ABCA4: variants seen among roughly 807,000 people sequenced by gnomAD.
ABCA4 encodes the protein ATP binding cassette subfamily A member 4, also known as retinal-specific phospholipid-transporting ATPase ABCA4.
Under a neutral mutation model 263.7 loss-of-function variants are expected in ABCA4, and 196 were observed. The observed-to-expected ratio is 0.74, with a 90% CI of 0.66 to 0.84. ABCA4 has a LOEUF of 0.84. Ranked by LOEUF, ABCA4 falls within the 40% of genes least tolerant of loss-of-function variation. The probability of loss-of-function intolerance (pLI) is 0.00; values close to 1 mark genes in which losing one functional copy is unlikely to be tolerated. For synonymous variants in ABCA4, 1,133 were observed against 1,094.2 expected, an observed-to-expected ratio of 1.04 and a Z score of -0.70; for missense variants, 2,792 against 2,855.1, an observed-to-expected ratio of 0.98 and a Z score of 0.50.
intron 4 of ABCA4, among the ~76,000 whole-genome samples, chr1:94,104,890 C>T (rs922101617): frequency 7.2e-5 from 11 of 152,158 alleles, no homozygotes; most frequent in African/African-American, 2.7e-4. Flanking sequence ...TGTTCTTTTC[C>T]CAATTACCCC....
intron 5 of ABCA4, among the ~76,000 whole-genome samples, chr1:94,102,507 C>T (rs913209210): frequency 5.3e-5 from 8 of 151,922 alleles, no homozygotes; most frequent in South Asian, 2.1e-4. Context: ...CCTGCCCCTC[C>T]GTCCCTCTCT....
At chr1:94,057,732 CCAAA>C (rs1365016668) in intron 14 of ABCA4, among the ~76,000 whole-genome samples, 1 of 152,182 alleles carries the variant, frequency 6.6e-6, no homozygotes, top group African/African-American at 2.4e-5. Context: ...GAAAATAGGA[CCAAA>C]CTAGCAACTT....
intron 40 of ABCA4, 139 bp downstream of exon 40, chr1:94,010,661 G>T: frequency 8.0e-7 from 1 of 1,247,260 alleles, no homozygotes; most frequent in Non-Finnish European, 1.2e-6. Context: ...TTGTATTATT[G>T]GAGAAAAGCC....
intron 3 of ABCA4, among the ~76,000 whole-genome samples, chr1:94,110,313 C>T (rs750630364): frequency 2.0e-5 from 3 of 152,226 alleles, no homozygotes; most frequent in Non-Finnish European, 4.4e-5. Flanking sequence ...CATTGTAGGG[C>T]ACATGCAGCC....
chr1:94,043,284 G>A (rs1660569441), intron 21 of ABCA4, 52 bp downstream of exon 21: 1 of 1,612,730 alleles, frequency 6.2e-7, no homozygotes, highest in East Asian at 2.2e-5. Flanking sequence ...GGGTGCACTG[G>A]GGAGCCATGG....
At chr1:94,103,216 A>T in intron 4 of ABCA4, 74 bp from the exon 5 acceptor site, 3 of 1,563,290 alleles carry the variant, frequency 1.9e-6, no homozygotes, top group Non-Finnish European at 2.6e-6. Flanking sequence ...GCCAGAGTCG[A>T]TTGGAAACAC....
chr1:94,035,493 G>T (rs1005424934), intron 26 of ABCA4, among the ~76,000 whole-genome samples: 1 of 152,200 alleles, frequency 6.6e-6, no homozygotes, highest in South Asian at 2.1e-4. Context: ...GTGTCCATTG[G>T]TAGTTCTAGG....
At chr1:94,046,303 AATAC>A (rs1279596479) in intron 19 of ABCA4, among the ~76,000 whole-genome samples, 21 of 120,862 alleles carry the variant, frequency 1.7e-4, no homozygotes, top group South Asian at 5.6e-4. Context: ...AAAAAAAAAA[AATAC>A]AAAAATTAGC....
At chr1:94,089,354 C>T (rs1661912538) in intron 6 of ABCA4, among the ~76,000 whole-genome samples, 1 of 152,080 alleles carries the variant, frequency 6.6e-6, no homozygotes, top group African/African-American at 2.4e-5. Context: ...ATAGTAAATC[C>T]TCACTTAATT....
rs1660216305 is a variant in ABCA4 at position 94,031,908 on chromosome 1, G to C, written c.3998C>G (p.Pro1333Arg). The C allele has an allele frequency of 6.2e-7, 1 of 1,614,046 alleles. No individual in the cohort carries two copies. The highest frequency in any genetic ancestry group is 1.1e-5 in the South Asian group (1 of 91,086). ...GCCTGGGCACTCTGGCTCTGGGGGA[G>C]GCTGGCCCTCTGGGTGAGCAGCCGG... ...GAPAAHPEGQ[P>R]PPEPECPGPQ... Residue 1333 changes from proline (P) to arginine (R), a missense_variant, in exon 27 of 50, where the codon CCT (proline) becomes CGT (arginine). By Grantham distance (103) the Pro-to-Arg change is moderately radical. Coordinates refer to ENST00000370225, the MANE Select transcript of ABCA4 (RefSeq NM_000350.3).
intron 20 of ABCA4, 31 bp downstream of exon 20, chr1:94,044,582 A>T: frequency 1.2e-6 from 2 of 1,614,000 alleles, no homozygotes; most frequent in Admixed American, 3.3e-5. Context: ...AGGAGAGGGG[A>T]TGGGGCGGTC....
At chr1:94,045,297 A>T (rs1466040858) in intron 19 of ABCA4, among the ~76,000 whole-genome samples, 1 of 151,744 alleles carries the variant, frequency 6.6e-6, no homozygotes, top group East Asian at 1.9e-4. Context: ...AAAACATAAA[A>T]AGCCTCAGAG....
At chr1:94,053,613 G>T (rs1046057874) in intron 16 of ABCA4, among the ~76,000 whole-genome samples, 6 of 152,212 alleles carry the variant, frequency 3.9e-5, no homozygotes, top group African/African-American at 1.4e-4. Context: ...CAGGCAGAAT[G>T]CCATGTGCAG....
In ABCA4 at chr1:94,034,087, T is replaced by C. The variant is rs141909847; in HGVS notation, c.3863-2044A>G. ...CTAGTTACTGACTATGAGTCACCCC[T>C]TCAGAAGTGGCATTGACCCTTGTTG... On this transcript the variant is annotated intron_variant, in intron 26 of 49. Coordinates refer to ENST00000370225, the MANE Select transcript of ABCA4 (RefSeq NM_000350.3). Among the ~76,000 whole-genome samples the C allele has an allele frequency of 1.9e-3, 288 of 152,300 alleles. 1 individual carries two copies. The highest frequency in any genetic ancestry group is 6.7e-3 in the African/African-American group (277 of 41,578).
intron 6 of ABCA4, among the ~76,000 whole-genome samples, chr1:94,090,643 T>C (rs114305707): frequency 0.01 from 1,553 of 152,356 alleles, 15 homozygotes; most frequent in Non-Finnish European, 0.016. Context: ...AGTGCATTTA[T>C]TTACCACTTT....
intron 4 of ABCA4, among the ~76,000 whole-genome samples, chr1:94,103,717 G>T (rs2101145129): frequency 6.6e-6 from 1 of 152,288 alleles, no homozygotes; most frequent in Non-Finnish European, 1.5e-5. Context: ...GACCCCTCTG[G>T]GTGTTTCTAT....
At chr1:94,046,328 G>T (rs537937219) in intron 19 of ABCA4, among the ~76,000 whole-genome samples, 301 of 148,938 alleles carry the variant, frequency 2.0e-3, no homozygotes, top group African/African-American at 7.1e-3. Context: ...TGGGCATGGT[G>T]GTATGCACCT....
At chr1:94,044,133 CCTCCCTTCCT>C (rs1660605431) in intron 20 of ABCA4, among the ~76,000 whole-genome samples, 1 of 73,358 alleles carries the variant, frequency 1.4e-5, no homozygotes, top group Admixed American at 2.2e-4. Context: ...TCCCTTCCTT[CCTCCCTTCCT>C]TTTTTTTCTT....
intron 27 of ABCA4, 47 bp downstream of exon 27, chr1:94,031,731 G>A: frequency 6.2e-7 from 1 of 1,611,006 alleles, no homozygotes; most frequent in Non-Finnish European, 8.5e-7. Flanking sequence ...GGGGAAGGCT[G>A]GGAGAGGAGC....
Sources: allele counts gnomAD v4.1 joint callset (sites outside exome capture counted in the v4.1 genomes callset), GRCh38; gene constraint gnomAD v4.1.1; transcripts MANE v1.5; gene names NCBI Gene and HGNC (gene_info 2026-07-23, HGNC 2026-07-21).